AFF1: variants seen among roughly 807,000 people sequenced by gnomAD.
The protein encoded by AFF1 is ALF transcription elongation factor 1.
In AFF1, 48 loss-of-function variants were observed where a neutral mutation model predicts 121.7. The ratio of observed to expected loss-of-function variants is 0.39; its 90% CI spans 0.31 to 0.50. The LOEUF is 0.50. Ranked by LOEUF, AFF1 falls within the 20% of genes least tolerant of loss-of-function variation. AFF1 has a pLI of 0.76. For synonymous variants in AFF1, 613 were observed against 563.0 expected (o/e 1.09, Z -1.26); for missense variants, 1,523 against 1,511.7 (o/e 1.01, Z -0.12).
At chr4:87,007,438 C>G in intron 2 of AFF1, 15 of 1,613,972 alleles carry the variant, frequency 9.3e-6, no homozygotes, top group Non-Finnish European at 1.2e-5. Flanking sequence ...AGCCGTGCAC[C>G]GGAGAAACTT....
At chr4:87,072,089 C>T (rs935761949) in intron 4 of AFF1, among the ~76,000 whole-genome samples, 6 of 152,060 alleles carry the variant, frequency 3.9e-5, no homozygotes, top group East Asian at 1.9e-4. Context: ...CAGGGCTGGG[C>T]GTGGTGGCTC....
At chr4:87,056,615 A>T (rs953208884) in intron 4 of AFF1, among the ~76,000 whole-genome samples, 2 of 152,216 alleles carry the variant, frequency 1.3e-5, no homozygotes, top group African/African-American at 4.8e-5. Flanking sequence ...GTTTTTTAAA[A>T]ATAACTTTGT....
At chr4:86,939,952 G>A (rs1029128766) in intron 1 of AFF1, among the ~76,000 whole-genome samples, 3 of 152,214 alleles carry the variant, frequency 2.0e-5, no homozygotes, top group Non-Finnish European at 2.9e-5. Flanking sequence ...TTCTGAGTCA[G>A]ACAGCTTGGG....
chr4:86,950,025 C>T (rs1168976982), intron 2 of AFF1: 15 of 1,613,856 alleles, frequency 9.3e-6, no homozygotes, highest in South Asian at 2.2e-5. Flanking sequence ...TGCTGAGCTC[C>T]GTAGGTAGGG....
chr4:87,097,906 T>G (rs540560661), intron 8 of AFF1, among the ~76,000 whole-genome samples: 33 of 152,360 alleles, frequency 2.2e-4, no homozygotes, highest in South Asian at 2.1e-4. Context: ...GCGGGTTGAT[T>G]TGATCTATTG....
intron 2 of AFF1, among the ~76,000 whole-genome samples, chr4:86,956,838 T>A (rs955567194): frequency 6.6e-6 from 1 of 152,252 alleles, no homozygotes; most frequent in South Asian, 2.1e-4. Flanking sequence ...TTAGGTAGTA[T>A]CCACTTTTTT....
chr4:86,984,010 C>T (rs1475437044), intron 2 of AFF1, among the ~76,000 whole-genome samples: 1 of 151,662 alleles, frequency 6.6e-6, no homozygotes, highest in Admixed American at 6.6e-5. Context: ...GCACTCCAGC[C>T]TGGGTGACAG....
At chr4:87,027,366 G>A (rs1332085593) in intron 2 of AFF1, among the ~76,000 whole-genome samples, 1 of 152,220 alleles carries the variant, frequency 6.6e-6, no homozygotes, top group Non-Finnish European at 1.5e-5. Flanking sequence ...TGCTATTTCA[G>A]TTCTGCTGAC....
intron 4 of AFF1, among the ~76,000 whole-genome samples, chr4:87,074,140 A>C (rs1368990585): frequency 6.7e-6 from 1 of 149,492 alleles, no homozygotes; most frequent in African/African-American, 2.5e-5. Flanking sequence ...GTCCCACTGA[A>C]AAAAAAAAAA....
chr4:87,114,378 A>G lies in AFF1; in HGVS notation c.1545A>G (p.Pro515=), dbSNP rs1578278362. The G allele has an allele frequency of 6.3e-7, 1 of 1,594,398 alleles. No individual in the cohort carries two copies. Residue 515 remains proline (P), a synonymous_variant, in exon 12 of 21, where the codon CCA becomes CCG. Coordinates refer to ENST00000395146, the MANE Select transcript of AFF1 (RefSeq NM_001166693.3). ...TTCCTTATTTTTAGCCTGAGCCTCCAACAACAAACAAATGGCAGCTGGACA... is the reference window on the plus strand; with the variant it reads ...TTCCTTATTTTTAGCCTGAGCCTCCGACAACAAACAAATGGCAGCTGGACA... ...LETPAPEPEP[P]TTNKWQLDNW...
At chr4:87,072,892 A>G (rs948561261) in intron 4 of AFF1, among the ~76,000 whole-genome samples, 1 of 152,162 alleles carries the variant, frequency 6.6e-6, no homozygotes, top group African/African-American at 2.4e-5. Context: ...TTATTTTCAA[A>G]CTTTTGTATT....
chr4:87,099,038 G>A (rs368638139), intron 8 of AFF1, among the ~76,000 whole-genome samples: 12 of 152,334 alleles, frequency 7.9e-5, no homozygotes, highest in African/African-American at 2.4e-4. Context: ...CAGCTGAAAT[G>A]TTCTAGAATT....
At chr4:87,008,008 C>T (rs550185552) in intron 2 of AFF1, among the ~76,000 whole-genome samples, 11 of 152,252 alleles carry the variant, frequency 7.2e-5, no homozygotes, top group African/African-American at 1.9e-4. Flanking sequence ...CAGTTGCTGT[C>T]AGAGGAGCGC....
intron 2 of AFF1, among the ~76,000 whole-genome samples, chr4:87,034,274 G>A (rs918380798): frequency 6.6e-6 from 1 of 152,250 alleles, no homozygotes; most frequent in African/African-American, 2.4e-5. Flanking sequence ...AGGATAGGGG[G>A]AGGAAGGATG....
rs114111350 is a variant in AFF1 at position 87,083,712 on chromosome 4, C to T, written c.1060-408C>T. The stretch of plus-strand genomic sequence containing the variant: ...TCAACAGTTAGTCTGCCATTGTCTC[C>T]ATCATTACTGTGTTTCCCCACAAGA... On this transcript the variant is annotated intron_variant, in intron 4 of 20. Coordinates refer to ENST00000395146, the MANE Select transcript of AFF1 (RefSeq NM_001166693.3). 6.8e-3 allele frequency among the ~76,000 whole-genome samples: 1,040 copies of T among 152,242 alleles called. 13 individuals are homozygous for T. The highest frequency in any genetic ancestry group is 0.024 in the African/African-American group (996 of 41,536).
intron 6 of AFF1, among the ~76,000 whole-genome samples, chr4:87,091,399 G>A (rs1359358557): frequency 2.6e-5 from 4 of 152,076 alleles, no homozygotes; most frequent in Admixed American, 6.5e-5. Context: ...GCGAGACTCC[G>A]TCTCAAAAAC....
At chr4:87,127,168 C>CCCA in intron 15 of AFF1, 51 bp downstream of exon 15, 1 of 1,252,038 alleles carries the variant, frequency 8.0e-7, no homozygotes, top group Non-Finnish European at 1.1e-6. Flanking sequence ...GTTTTGCTTC[C>CCCA]CCCCCCCACC....
chr4:87,115,631 G>C (rs902118256), intron 12 of AFF1, among the ~76,000 whole-genome samples: 2 of 1,314 alleles, frequency 1.5e-3, no homozygotes, highest in Non-Finnish European at 5.0e-3. Flanking sequence ...TTTTTCCAAA[G>C]ACAGGCCCTT....
At chr4:86,961,589 G>A (rs528829776) in intron 2 of AFF1, among the ~76,000 whole-genome samples, 5 of 151,930 alleles carry the variant, frequency 3.3e-5, no homozygotes, top group Non-Finnish European at 5.9e-5. Flanking sequence ...TGTGGGAAGG[G>A]GGGGCTGAGT....
Sources: gnomAD v4.1 joint callset for allele counts (sites outside exome capture counted in the v4.1 genomes callset) on GRCh38, gnomAD v4.1.1 for gene constraint, MANE v1.5 for transcripts, NCBI Gene and HGNC (gene_info 2026-07-23, HGNC 2026-07-21) for gene names.